DYNC2I1: variants seen among roughly 807,000 people sequenced by gnomAD.
The protein encoded by DYNC2I1 is cytoplasmic dynein 2 intermediate chain 1.
Under a neutral mutation model 133.4 loss-of-function variants are expected in DYNC2I1, and 89 were observed. The observed-to-expected ratio is 0.67, with a 90% CI of 0.56 to 0.80. The LOEUF (loss-of-function observed/expected upper bound fraction) is 0.80, where lower values mean the gene tolerates loss of function less well. Among genes scored for constraint, DYNC2I1 ranks in the 30% least tolerant of loss-of-function variants. The pLI, the probability that DYNC2I1 is intolerant of heterozygous loss-of-function variation, is 0.00. For missense variants in DYNC2I1, 1,291 were observed against 1,314.5 expected, an observed-to-expected ratio of 0.98 and a Z score of 0.28; for synonymous variants, 504 against 484.3, an observed-to-expected ratio of 1.04 and a Z score of -0.54.
rs368590262 is a variant in DYNC2I1 at position 158,941,934 on chromosome 7, T to C, written c.2788T>C (p.Ser930Pro). The C allele has an allele frequency of 1.9e-6, 3 of 1,604,050 alleles. No homozygotes were observed. Among genetic ancestry groups the C allele is most frequent in the Non-Finnish European group, 2.6e-6 (3 of 1,175,276 alleles). The stretch of plus-strand genomic sequence containing the variant: ...TTCTTCCTGGTCATAGGCCGGCTGT[T>C]CGGACGGAAGCATCAGGCTGCACCA... The part of the protein sequence containing the change: ...FGEPIFLAGC[S>P]DGSIRLHQLS... Residue 930 changes from serine (S) to proline (P), a missense_variant, in exon 24 of 25, where the codon TCG becomes CCG. Physicochemically the swap from Ser to Pro is moderately conservative, Grantham distance 74 (BLOSUM62 -1). Coordinates refer to ENST00000407559, the MANE Select transcript of DYNC2I1 (RefSeq NM_018051.5).
chr7:158,918,552 G>A (rs930529305), intron 14 of DYNC2I1, among the ~76,000 whole-genome samples, 188 bp from the exon 15 acceptor site: 6 of 152,164 alleles, frequency 3.9e-5, no homozygotes, highest in Non-Finnish European at 7.3e-5. Flanking sequence ...TGGAGTTTTA[G>A]TTAATCTTAC....
In DYNC2I1 at chr7:158,934,578, ATTC is replaced by A. The variant is rs1302895648; in HGVS notation, c.2778+35_2778+37del. 21 of 1,548,250 alleles carry A rather than the reference ATTC, an allele frequency of 1.4e-5. No homozygotes were observed. The East Asian group carries it at 5.1e-4, about 38-fold the overall frequency. On this transcript the variant is annotated intron_variant, in intron 23 of 24. Coordinates refer to ENST00000407559, the MANE Select transcript of DYNC2I1 (RefSeq NM_018051.5). ...AGAAAGTTTGTTTTTCAGAGCTCCA[ATTC>A]TTCTTTTTTTGTTTTTTGAGACAGG... is the stretch of plus-strand genomic sequence containing the variant.
intron 23 of DYNC2I1, among the ~76,000 whole-genome samples, chr7:158,938,812 A>G (rs1025398087): frequency 4.2e-4 from 64 of 152,208 alleles, no homozygotes; most frequent in Middle Eastern, 3.2e-3. Context: ...CCTGAAAGAA[A>G]AAAAAATACA....
At chr7:158,856,527 G>A (rs976004341), upstream of DYNC2I1, 31 of 434,174 alleles carry the variant, frequency 7.1e-5, no homozygotes, top group Non-Finnish European at 8.0e-5. Context: ...CCTGCCAGGT[G>A]CTAAAAATGC....
intron 2 of DYNC2I1, among the ~76,000 whole-genome samples, chr7:158,870,130 G>T (rs1490392164): frequency 6.6e-6 from 1 of 151,988 alleles, no homozygotes; most frequent in East Asian, 1.9e-4. Flanking sequence ...CCATGGCTCA[G>T]GGGCCTCCGC....
At chr7:158,935,017 A>G (rs886369501) in intron 23 of DYNC2I1, among the ~76,000 whole-genome samples, 7 of 152,276 alleles carry the variant, frequency 4.6e-5, no homozygotes, top group African/African-American at 7.2e-5. Context: ...ACTTGGTTCA[A>G]TTACAAACTA....
chr7:158,952,825 C>T (rs1308929363), intron 4 of DYNC2I1, among the ~76,000 whole-genome samples: 1 of 132,458 alleles, frequency 7.5e-6, no homozygotes, highest in Non-Finnish European at 1.7e-5. Flanking sequence ...AGCGTGGGCT[C>T]AGCCTGAGGG....
At position 158,926,292 on chromosome 7, in the gene DYNC2I1, C is replaced by G. The variant is rs201798300; in HGVS notation, c.2363C>G (p.Thr788Ser). ...KQSFVLSPFS[T>S]QEEMSGLSFH... ...AGCTTTGTGCTTTCACCCTTTTCTA[C>G]TCAAGAAGGTACGTGATTCTTCACT... The change falls in exon 18 of 25, where the codon ACT (threonine) becomes AGT (serine). Residue 788 changes from threonine (T) to serine (S), a missense_variant. Physicochemically the swap from Thr to Ser is moderately conservative, Grantham distance 58. Transcript: ENST00000407559. The G allele has an allele frequency of 6.2e-7, 1 of 1,611,556 alleles. No individual in the cohort carries two copies. The highest frequency in any genetic ancestry group is 8.5e-7 in the Non-Finnish European group (1 of 1,178,766).
At chr7:158,925,391 AT>A (rs1348765695) in intron 17 of DYNC2I1, among the ~76,000 whole-genome samples, 3 of 151,854 alleles carry the variant, frequency 2.0e-5, no homozygotes, top group African/African-American at 7.3e-5. Context: ...TTGTTTTGAT[AT>A]GTTTCCAGAT....
Position 158,879,901 on chromosome 7 carries a change from G to A in DYNC2I1, c.791G>A (p.Gly264Asp). The change falls in exon 5 of 25, where the codon GGT becomes GAT. Residue 264 changes from glycine to aspartate, a missense_variant. By Grantham distance (94) the Gly-to-Asp change is moderately conservative. Transcript: ENST00000407559. ...ERHKEKRHKE[G>D]FHFDDERHQS... is the part of the protein sequence containing the mutation. Reference sequence around the variant, plus strand: ...CATAAAGAAAAGCGACACAAAGAAGGTTTTCATTTTGATGATGAGAGGCAC... The same window carrying A: ...CATAAAGAAAAGCGACACAAAGAAGATTTTCATTTTGATGATGAGAGGCAC... The A allele has an allele frequency of 6.2e-7, 1 of 1,613,236 alleles. No individual in the cohort carries two copies. Among genetic ancestry groups the A allele is most frequent in the Non-Finnish European group, 8.5e-7 (1 of 1,179,724 alleles).
chr7:158,864,957 A>G (rs1277627840), intron 1 of DYNC2I1, among the ~76,000 whole-genome samples: 1 of 152,254 alleles, frequency 6.6e-6, no homozygotes, highest in African/African-American at 2.4e-5. Context: ...TGCAGATGCC[A>G]GTGGCACCTT....
chr7:158,859,982 ATAAGG>A (rs1050830863), intron 1 of DYNC2I1, among the ~76,000 whole-genome samples: 21 of 152,176 alleles, frequency 1.4e-4, no homozygotes, highest in African/African-American at 5.1e-4. Flanking sequence ...AGTCTATTTC[ATAAGG>A]TAAGGGGAAG....
chr7:158,840,358 G>A, the DYNC2I1 span, among the ~76,000 whole-genome samples: 1 of 152,210 alleles, frequency 6.6e-6, no homozygotes, highest in African/African-American at 2.4e-5. Flanking sequence ...TCGAAGTCGG[G>A]AGTTCAAGAC....
intron 14 of DYNC2I1, 73 bp downstream of exon 14, chr7:158,914,394 G>T: frequency 1.7e-6 from 2 of 1,201,852 alleles, no homozygotes; most frequent in Non-Finnish European, 2.3e-6. Flanking sequence ...AAACATAGGA[G>T]CTTTTAAGAT....
At chr7:158,915,175 A>AGATT (rs1320847743) in intron 14 of DYNC2I1, among the ~76,000 whole-genome samples, 3 of 151,498 alleles carry the variant, frequency 2.0e-5, no homozygotes, top group African/African-American at 4.9e-5. Context: ...ACGCTGGTTG[A>AGATT]CAGGATGATT....
intron 8 of DYNC2I1, among the ~76,000 whole-genome samples, chr7:158,896,100 C>G (rs1845734711): frequency 6.6e-6 from 1 of 152,000 alleles, no homozygotes; most frequent in Non-Finnish European, 1.5e-5. Context: ...ATTTCCTTTT[C>G]TTATTTCATT....
At position 158,870,497 on chromosome 7, in the gene DYNC2I1, G is replaced by C. The variant is rs1842784174; in HGVS notation, c.69+589G>C. Among the ~76,000 whole-genome samples, 9 of 151,852 alleles carry C rather than the reference G, an allele frequency of 5.9e-5. No individual in the cohort carries two copies. In the South Asian group the frequency reaches 1.9e-3, roughly 32 times the overall value. ...GTCTCTTGAGTAGCTAGGACTACAG[G>C]CATGAACCACCAGGCTTGCTAATTT... is the stretch of plus-strand genomic sequence containing the variant. On this transcript the variant is annotated intron_variant, in intron 2 of 24. Transcript: ENST00000407559.
the DYNC2I1 span, among the ~76,000 whole-genome samples, chr7:158,847,728 A>G: frequency 2.7e-4 from 41 of 152,362 alleles, no homozygotes; most frequent in African/African-American, 4.3e-4. Context: ...CCATGCTCCA[A>G]TGTGGATCTG....
At chr7:158,931,346 G>A (rs1008017825) in intron 21 of DYNC2I1, among the ~76,000 whole-genome samples, 5 of 152,152 alleles carry the variant, frequency 3.3e-5, no homozygotes, top group African/African-American at 1.2e-4. Context: ...GAAAACCTGT[G>A]GGTTGTGTTA....
Sources: gnomAD v4.1 joint callset for allele counts (sites outside exome capture counted in the v4.1 genomes callset) on GRCh38, gnomAD v4.1.1 for gene constraint, MANE v1.5 for transcripts, NCBI Gene and HGNC (gene_info 2026-07-23, HGNC 2026-07-21) for gene names.